The following PDS5B variants were observed in gnomAD, a reference collection of about 807,000 sequenced individuals.
PDS5B encodes the protein sister chromatid cohesion protein PDS5 homolog B.
Under a neutral mutation model 184.1 loss-of-function variants are expected in PDS5B, and 51 were observed. That is an observed-to-expected ratio of 0.28 (90% CI 0.22 to 0.35). PDS5B has a LOEUF of 0.35. Ranked by LOEUF, PDS5B falls within the 10% of genes least tolerant of loss-of-function variation. PDS5B has a pLI of 1.00. For missense variants in PDS5B, 1,180 were observed against 1,723.3 expected, an observed-to-expected ratio of 0.68 and a Z score of 5.58; for synonymous variants, 566 against 569.2, an observed-to-expected ratio of 0.99 and a Z score of 0.08.
At chr13:32,725,891 T>A (rs899182972) in intron 19 of PDS5B, among the ~76,000 whole-genome samples, 1 of 152,194 alleles carries the variant, frequency 6.6e-6, no homozygotes, top group African/African-American at 2.4e-5. Flanking sequence ...TGTATCATAT[T>A]AGAGATCTGC....
At chr13:32,681,030 T>C (rs1353913635) in intron 10 of PDS5B, among the ~76,000 whole-genome samples, 2 of 152,230 alleles carry the variant, frequency 1.3e-5, no homozygotes, top group African/African-American at 4.8e-5. Flanking sequence ...AAAGGATTTA[T>C]ACTGACTGAG....
intron 1 of PDS5B, among the ~76,000 whole-genome samples, chr13:32,646,546 A>G (rs1472839289): frequency 6.6e-6 from 1 of 150,908 alleles, no homozygotes; most frequent in Non-Finnish European, 1.5e-5. Context: ...AGTAAATACC[A>G]CAGAGTGAAT....
At chr13:32,620,672 A>G (rs2058287351) in intron 1 of PDS5B, among the ~76,000 whole-genome samples, 2 of 151,898 alleles carry the variant, frequency 1.3e-5, no homozygotes, top group Non-Finnish European at 2.9e-5. Context: ...AAAAAAAAAA[A>G]AAAGTGGTAG....
At chr13:32,611,549 C>G (rs1013847824) in intron 1 of PDS5B, among the ~76,000 whole-genome samples, 1 of 146,422 alleles carries the variant, frequency 6.8e-6, no homozygotes, top group Non-Finnish European at 1.5e-5. Context: ...GTTCTGTTGC[C>G]CAGACTGGAG....
intron 18 of PDS5B, among the ~76,000 whole-genome samples, chr13:32,709,225 C>G (rs912083654): frequency 2.0e-5 from 3 of 151,556 alleles, no homozygotes; most frequent in Non-Finnish European, 2.9e-5. Context: ...TTTAAAAAAC[C>G]CTATCTTATA....
intron 1 of PDS5B, among the ~76,000 whole-genome samples, chr13:32,609,580 C>T (rs1003421417): frequency 2.0e-5 from 3 of 152,268 alleles, no homozygotes; most frequent in Admixed American, 1.3e-4. Context: ...GCAGTCTTGC[C>T]TGGATTGTTT....
rs1174412224 is a variant in PDS5B, at chr13:32,648,766, T to G, written c.-7T>G. 3.8e-6 allele frequency: 5 copies of G among 1,312,980 alleles called. No homozygotes were observed. The highest frequency in any genetic ancestry group is 4.4e-6 in the Non-Finnish European group (4 of 907,856). The allele number at this position is 1,312,980 out of a possible 1,614,324, so 81.3% of individuals were successfully genotyped here. A position where few individuals can be genotyped will look rare whatever the true frequency, so the allele number is the denominator to read the frequency against. On this transcript the variant is annotated 5_prime_UTR_variant, in exon 2 of 35. In the 5' UTR this introduces an upstream ATG that the reference lacks. Transcript: ENST00000315596. ...TTTCTTGTTTCAGGGGTAGAAATAT[T>G]TCTGTCATGGCTCATTCAAAGACTA...
At chr13:32,631,319 C>A (rs907587903) in intron 1 of PDS5B, among the ~76,000 whole-genome samples, 1 of 151,998 alleles carries the variant, frequency 6.6e-6, no homozygotes, top group Admixed American at 6.5e-5. Flanking sequence ...TCTCAAACTC[C>A]TGGGCTCAAG....
intron 31 of PDS5B, among the ~76,000 whole-genome samples, chr13:32,768,876 C>CG (rs1314140405): frequency 7.3e-6 from 1 of 137,262 alleles, no homozygotes; most frequent in East Asian, 2.1e-4. Context: ...CCGAGGCGGG[C>CG]GGATCACAAG....
chr13:32,662,310 A>G (rs530383535), intron 6 of PDS5B, among the ~76,000 whole-genome samples: 17 of 152,302 alleles, frequency 1.1e-4, no homozygotes, highest in African/African-American at 4.1e-4. Flanking sequence ...ACAAATTGAA[A>G]GAATTACGGA....
chr13:32,591,453 C>G (rs1303264873), intron 1 of PDS5B, among the ~76,000 whole-genome samples: 4 of 152,016 alleles, frequency 2.6e-5, no homozygotes, highest in African/African-American at 9.7e-5. Context: ...TACTTTTTTC[C>G]TTAGTTAAGT....
At chr13:32,703,549 C>A (rs1236820096) in intron 17 of PDS5B, among the ~76,000 whole-genome samples, 2 of 152,142 alleles carry the variant, frequency 1.3e-5, no homozygotes. Context: ...TTATTATTCC[C>A]ATTTTACAGA....
intron 1 of PDS5B, among the ~76,000 whole-genome samples, chr13:32,616,170 C>G (rs2058216364): frequency 6.6e-6 from 1 of 152,048 alleles, no homozygotes; most frequent in African/African-American, 2.4e-5. Flanking sequence ...TCTCCTGCCC[C>G]AGCCTCCCTA....
rs751798602 is a variant in PDS5B at position 32,758,112 on chromosome 13, T to C, written c.3082T>C (p.Leu1028=). ...KECLWFVLEI[L]MAKNENNSHA... Reference sequence around the variant, plus strand: ...ATGTCTTTGGTTTGTTCTGGAAATATTAATGGCTAAAAATGAAAATAACAG... The same window carrying C: ...ATGTCTTTGGTTTGTTCTGGAAATACTAATGGCTAAAAATGAAAATAACAG... The change falls in exon 27 of 35, where the codon TTA becomes CTA. Residue 1028 remains leucine (L), a synonymous_variant. Transcript: ENST00000315596. The C allele has an allele frequency of 2.6e-6, 4 of 1,509,590 alleles. No individual in the cohort carries two copies. The highest frequency in any genetic ancestry group is 1.3e-5 in the South Asian group (1 of 78,548). 93.5% of individuals were successfully genotyped at this position (1,509,590 alleles called of 1,614,324 possible).
chr13:32,635,816 G>A (rs984631864), intron 1 of PDS5B, among the ~76,000 whole-genome samples: 1 of 147,888 alleles, frequency 6.8e-6, no homozygotes, highest in Non-Finnish European at 1.5e-5. Flanking sequence ...CGCCCAGGCT[G>A]GAAGTGCAGT....
intron 1 of PDS5B, among the ~76,000 whole-genome samples, chr13:32,631,503 C>A (rs1228951187): frequency 6.6e-6 from 1 of 152,160 alleles, no homozygotes; most frequent in Non-Finnish European, 1.5e-5. Context: ...CTTTGGCTTT[C>A]TCCTACAGTT....
intron 3 of PDS5B, among the ~76,000 whole-genome samples, chr13:32,656,843 C>T (rs938988772): frequency 5.3e-5 from 8 of 152,244 alleles, no homozygotes; most frequent in African/African-American, 9.6e-5. Flanking sequence ...GCCATCCACC[C>T]GCCTTGGCTT....
chr13:32,712,623 T>C (rs952972414), intron 19 of PDS5B, among the ~76,000 whole-genome samples: 3 of 152,214 alleles, frequency 2.0e-5, no homozygotes, highest in Non-Finnish European at 4.4e-5. Context: ...TAAGACTCTA[T>C]TGAAAGTGAG....
intron 6 of PDS5B, 81 bp downstream of exon 6, chr13:32,659,361 G>A: frequency 2.0e-6 from 2 of 1,015,294 alleles, no homozygotes; most frequent in Non-Finnish European, 2.7e-6. Flanking sequence ...TCTAAATATG[G>A]TTTATCCTGC....
Sources: allele counts gnomAD v4.1 joint callset (sites outside exome capture counted in the v4.1 genomes callset), GRCh38; gene constraint gnomAD v4.1.1; transcripts MANE v1.5; gene names NCBI Gene and HGNC (gene_info 2026-07-23, HGNC 2026-07-21).